The following GIGYF2 variants were observed in gnomAD, a reference collection of about 807,000 sequenced individuals.
The protein encoded by GIGYF2 is GRB10-interacting GYF protein 2.
A neutral mutation model predicts 208.1 loss-of-function variants in GIGYF2; 25 were observed. That is an observed-to-expected ratio of 0.12 (90% confidence interval 0.09 to 0.17). The LOEUF is 0.17. GIGYF2 is among the 10% of genes least tolerant of loss of function. GIGYF2 has a pLI of 1.00. For missense variants in GIGYF2, 1,302 were observed against 1,579.4 expected (o/e 0.82, Z 2.98); for synonymous variants, 534 against 543.8 (o/e 0.98, Z 0.25).
rs35593823 is a variant in GIGYF2 at position 232,734,109 on chromosome 2, C to CTTT, written c.-43-1027_-43-1025dup. Among the ~76,000 whole-genome samples the CTTT allele has an allele frequency of 4.9e-4, 60 of 122,450 alleles. 1 individual carries two copies. The highest frequency in any genetic ancestry group is 2.7e-3 in the South Asian group (10 of 3,770). The allele number at this position is 122,450 out of a possible 152,430, so 80.3% of individuals were successfully genotyped here. ...TATATTTTATTTATTTATTTTAAAA[C>CTTT]TTTTTTTTTTTTTTTTTTTTTAAAG... On this transcript the variant is annotated intron_variant, in intron 2 of 28. Transcript: ENST00000373563.
Position 232,794,851 on chromosome 2 carries a change from C to T in GIGYF2, c.1386C>T (p.Leu462=). The T allele has an allele frequency of 1.2e-6, 2 of 1,613,842 alleles. No homozygotes were observed. Among genetic ancestry groups the T allele is most frequent in the African/African-American group, 1.3e-5 (1 of 75,042 alleles). Residue 462 remains leucine, a synonymous_variant, in exon 13 of 29, where the codon CTC becomes CTT. Transcript: ENST00000373563. ...PPPVPNPSPT[L]RPVETPVVGA... ...CTGTTCCCAATCCTAGTCCTACTCTCCGGCCAGTTGAAACACCAGTTGTAG... is the reference window on the plus strand; with the variant it reads ...CTGTTCCCAATCCTAGTCCTACTCTTCGGCCAGTTGAAACACCAGTTGTAG...
In GIGYF2 at chr2:232,816,717, A is replaced by G. The variant is rs1256822089; in HGVS notation, c.2209-154A>G. On this transcript the variant is annotated intron_variant, in intron 19 of 28. Transcript: ENST00000373563. ...TAATATTCCATTGTATGTATATAAC[A>G]TATTTTGTTTATCTATTGATCTGTT... Among the ~76,000 whole-genome samples the G allele has an allele frequency of 2.6e-5, 4 of 152,116 alleles. No homozygotes were observed. The East Asian group carries it at 5.8e-4, about 22-fold the overall frequency.
intron 21 of GIGYF2, among the ~76,000 whole-genome samples, chr2:232,829,427 T>C (rs1000999935): frequency 1.3e-5 from 2 of 152,256 alleles, no homozygotes; most frequent in African/African-American, 2.4e-5. Context: ...TTCTGAATGG[T>C]AGATGATAGA....
chr2:232,845,246 A>T (rs1465241578), intron 25 of GIGYF2, among the ~76,000 whole-genome samples: 2 of 152,238 alleles, frequency 1.3e-5, no homozygotes, highest in African/African-American at 4.8e-5. Flanking sequence ...GGCACATAGT[A>T]ACTACTTAAT....
chr2:232,750,575 G>A (rs925434749), intron 5 of GIGYF2, among the ~76,000 whole-genome samples: 8 of 152,046 alleles, frequency 5.3e-5, no homozygotes, highest in African/African-American at 7.2e-5. Context: ...TTTTCCCATC[G>A]TTTTTGTTTG....
chr2:232,705,845 A>C (rs1696085355), intron 2 of GIGYF2: 2 of 152,272 alleles, frequency 1.3e-5, no homozygotes, highest in Admixed American at 6.5e-5. Context: ...CTGGGATTGC[A>C]GGTGTGTGCT....
At chr2:232,790,041 A>G (rs186345508) in intron 9 of GIGYF2, among the ~76,000 whole-genome samples, 1 of 152,236 alleles carries the variant, frequency 6.6e-6, no homozygotes, top group East Asian at 1.9e-4. Flanking sequence ...CTACTTTGCC[A>G]TGTGCGAGTT....
chr2:232,737,822 T>G (rs905416718), intron 3 of GIGYF2, among the ~76,000 whole-genome samples: 2 of 152,100 alleles, frequency 1.3e-5, no homozygotes, highest in Non-Finnish European at 2.9e-5. Context: ...ATGAAGCAAT[T>G]TATTTGTATC....
At chr2:232,702,945 G>A (rs1205865200) in intron 1 of GIGYF2, among the ~76,000 whole-genome samples, 2 of 152,146 alleles carry the variant, frequency 1.3e-5, no homozygotes, top group African/African-American at 4.8e-5. Context: ...ACAGGCATGT[G>A]CCACCATGCC....
chr2:232,730,897 CAAAAAAAAAAA>C (rs34491260), intron 2 of GIGYF2, among the ~76,000 whole-genome samples: 3 of 51,578 alleles, frequency 5.8e-5, no homozygotes, highest in South Asian at 9.6e-4. Context: ...GACTCCGTCT[CAAAAAAAAAAA>C]AAAAAAAAAA....
intron 2 of GIGYF2, among the ~76,000 whole-genome samples, chr2:232,712,479 C>T (rs1434339076): frequency 6.6e-6 from 1 of 152,176 alleles, no homozygotes; most frequent in Non-Finnish European, 1.5e-5. Flanking sequence ...TGAGTACATG[C>T]CACATGGCAG....
At chr2:232,702,430 C>A (rs1438389262) in intron 1 of GIGYF2, among the ~76,000 whole-genome samples, 2 of 151,734 alleles carry the variant, frequency 1.3e-5, no homozygotes, top group African/African-American at 4.8e-5. Context: ...CAGAACGAGA[C>A]TCTGTCTCCA....
chr2:232,727,063 C>T (rs1269618131), intron 2 of GIGYF2, among the ~76,000 whole-genome samples: 1 of 152,146 alleles, frequency 6.6e-6, no homozygotes, highest in Non-Finnish European at 1.5e-5. Context: ...CTCCAGGGAT[C>T]AAATGATTCT....
chr2:232,821,296 A>G (rs911873382), intron 21 of GIGYF2, among the ~76,000 whole-genome samples: 1 of 152,120 alleles, frequency 6.6e-6, no homozygotes, highest in Admixed American at 6.5e-5. Flanking sequence ...TCTGCCTCCC[A>G]GGTTCAGGCA....
At chr2:232,711,698 C>T (rs565819630) in intron 2 of GIGYF2, among the ~76,000 whole-genome samples, 748 of 65,350 alleles carry the variant, frequency 0.011, 8 homozygotes, top group African/African-American at 0.04. Flanking sequence ...ATTATCCTCA[C>T]AATGATGTAT....
intron 21 of GIGYF2, among the ~76,000 whole-genome samples, chr2:232,820,987 C>T (rs558984281): frequency 1.8e-4 from 28 of 152,018 alleles, no homozygotes; most frequent in African/African-American, 6.0e-4. Flanking sequence ...GGCATCACCA[C>T]GTCTGGCTAA....
chr2:232,774,308 T>A (rs971987437), intron 8 of GIGYF2, among the ~76,000 whole-genome samples: 7 of 152,196 alleles, frequency 4.6e-5, no homozygotes, highest in African/African-American at 1.7e-4. Flanking sequence ...GAGTGTTTGT[T>A]CTTCAGTAAT....
rs754136598 is a variant in GIGYF2 at position 232,787,317 on chromosome 2, C to T, written c.700C>T (p.Pro234Ser). ...AAGGAGGGATGGAGAGAGGTGGCGA[C>T]CTCACAGTCCTGGTAAGAATTCTGT... ...GSRRDGERWR[P>S]HSPDGPRSAG... The change falls in exon 9 of 29, where the codon CCT becomes TCT. Residue 234 changes from proline to serine, a missense_variant. This residue lies in a region of GIGYF2 where 189 missense variants were observed against 257.7 expected (regional missense o/e 0.73). Transcript: ENST00000373563. 23 of 1,613,640 alleles carry T rather than the reference C, an allele frequency of 1.4e-5. No individual in the cohort carries two copies. In the South Asian group the frequency reaches 2.5e-4, roughly 18 times the overall value.
intron 3 of GIGYF2, among the ~76,000 whole-genome samples, chr2:232,740,628 C>T (rs1697936073): frequency 6.6e-6 from 1 of 152,120 alleles, no homozygotes; most frequent in Non-Finnish European, 1.5e-5. Context: ...TTTTGGTAAG[C>T]CCATTGTTGA....
Sources: allele counts gnomAD v4.1 joint callset (sites outside exome capture counted in the v4.1 genomes callset), GRCh38; gene constraint gnomAD v4.1.1; regional missense constraint gnomAD v4.1.1; transcripts MANE v1.5; gene names NCBI Gene and HGNC (gene_info 2026-07-23, HGNC 2026-07-21).